The following PAQR5 variants were observed in gnomAD, a reference collection of about 807,000 sequenced individuals.
PAQR5 encodes progestin and adipoQ receptor family member 5.
Under a neutral mutation model 34.5 loss-of-function variants are expected in PAQR5, and 20 were observed. The ratio of observed to expected loss-of-function variants is 0.58; its 90% confidence interval spans 0.41 to 0.84. PAQR5 has a LOEUF of 0.84. Ranked by LOEUF, PAQR5 falls within the 40% of genes least tolerant of loss-of-function variation. PAQR5 has a pLI of 0.00. For missense variants in PAQR5, 378 were observed against 412.7 expected (o/e 0.92, Z 0.73); for synonymous variants, 131 against 155.6 (o/e 0.84, Z 1.18).
chr15:69,400,758 G>A (rs1431987099), intron 8 of PAQR5, among the ~76,000 whole-genome samples: 1 of 152,156 alleles, frequency 6.6e-6, no homozygotes, highest in African/African-American at 2.4e-5. Flanking sequence ...CCAGACAACA[G>A]GGGGCTGTGC....
chr15:69,372,920 T>G (rs1288130677), intron 3 of PAQR5, among the ~76,000 whole-genome samples: 2 of 152,150 alleles, frequency 1.3e-5, no homozygotes, highest in Admixed American at 1.3e-4. Flanking sequence ...CAAACAAATA[T>G]ATGATCTTAC....
intron 2 of PAQR5, among the ~76,000 whole-genome samples, chr15:69,349,603 C>G (rs899571065): frequency 2.0e-5 from 3 of 151,896 alleles, no homozygotes; most frequent in African/African-American, 7.3e-5. Flanking sequence ...CCACTATTAA[C>G]AAGTTGGAGG....
chr15:69,341,306 T>C (rs1412994594), intron 2 of PAQR5, among the ~76,000 whole-genome samples: 3 of 152,000 alleles, frequency 2.0e-5, no homozygotes, highest in East Asian at 1.9e-4. Flanking sequence ...TTTGACTTAA[T>C]GTTTTCAAGC....
intron 1 of PAQR5, among the ~76,000 whole-genome samples, chr15:69,328,058 G>A (rs2054293991): frequency 1.3e-5 from 2 of 152,160 alleles, no homozygotes; most frequent in South Asian, 4.1e-4. Context: ...TGGGATTACA[G>A]GTGTGAGCCA....
chr15:69,345,617 T>G (rs911414301), intron 2 of PAQR5, among the ~76,000 whole-genome samples: 1 of 152,202 alleles, frequency 6.6e-6, no homozygotes, highest in Non-Finnish European at 1.5e-5. Context: ...TTTGTTTTCT[T>G]TTTTAAGGCT....
chr15:69,324,257 C>G (rs1321028452), intron 1 of PAQR5, among the ~76,000 whole-genome samples: 2 of 152,076 alleles, frequency 1.3e-5, no homozygotes, highest in African/African-American at 4.8e-5. Context: ...CGGCTCCAGC[C>G]CAGGAGGTGG....
chr15:69,363,536 G>GTTTTTTTTTTTTTTTTTTTTTTT lies in PAQR5; in HGVS notation c.51+3411_51+3412insTTTTTTTTTTTTTTTTTTTTTTT, dbSNP rs1226447954. On this transcript the variant is annotated intron_variant, in intron 3 of 8. Coordinates refer to ENST00000395407, the MANE Select transcript of PAQR5 (RefSeq NM_017705.4). Reference sequence around the variant, plus strand: ...ACATCGAGTGTCAAATTGCTAATCTGTTTTTTGTTTTTGTTTTTTTTTTTT... The same window carrying GTTTTTTTTTTTTTTTTTTTTTTT: ...ACATCGAGTGTCAAATTGCTAATCTGTTTTTTTTTTTTTTTTTTTTTTTTTTTTTGTTTTTGTTTTTTTTTTTT... Among the ~76,000 whole-genome samples the GTTTTTTTTTTTTTTTTTTTTTTT allele has an allele frequency of 2.4e-5, 2 of 82,002 alleles. 1 individual carries two copies. The allele number at this position is 82,002 out of a possible 152,430, so 53.8% of individuals were successfully genotyped here.
At chr15:69,302,638 G>A (rs370376205) in intron 1 of PAQR5, among the ~76,000 whole-genome samples, 42 of 152,274 alleles carry the variant, frequency 2.8e-4, no homozygotes, top group East Asian at 2.1e-3. Flanking sequence ...GGAACCCTGT[G>A]TGACCCCTGG....
At chr15:69,310,421 A>G (rs899567204) in intron 1 of PAQR5, among the ~76,000 whole-genome samples, 6 of 152,366 alleles carry the variant, frequency 3.9e-5, no homozygotes, top group Admixed American at 3.9e-4. Context: ...TACCAAACAC[A>G]CCAATATTTG....
chr15:69,405,144 A>G lies in PAQR5; in HGVS notation c.*1322A>G. ...ATTACTGATTAAAGTTCAGTATTTCATGGTGTTTTCAGGGAACACAGAAAT... is the reference window on the plus strand; with the variant it reads ...ATTACTGATTAAAGTTCAGTATTTCGTGGTGTTTTCAGGGAACACAGAAAT... On this transcript the variant is annotated 3_prime_UTR_variant, in exon 9 of 9. Transcript: ENST00000395407. The G allele has an allele frequency of 2.5e-6, 1 of 396,226 alleles. No individual in the cohort carries two copies. The highest frequency in any genetic ancestry group is 4.4e-6 in the Non-Finnish European group (1 of 224,842). 24.5% of individuals were successfully genotyped at this position (396,226 alleles called of 1,614,324 possible). A position where few individuals can be genotyped will look rare whatever the true frequency, so the allele number is the denominator to read the frequency against.
chr15:69,300,841 TTTTCTTTC>T (rs541929828), intron 1 of PAQR5, among the ~76,000 whole-genome samples: 745 of 19,562 alleles, frequency 0.038, 147 homozygotes, highest in African/African-American at 0.074. Context: ...CTTTAGTTCG[TTTTCTTTC>T]TTTCTTTCTT....
At chr15:69,331,291 G>A (rs891561752) in intron 1 of PAQR5, among the ~76,000 whole-genome samples, 28 of 152,178 alleles carry the variant, frequency 1.8e-4, no homozygotes, top group African/African-American at 6.5e-4. Flanking sequence ...ATTGCAGGGT[G>A]TCTGTTCAGC....
intron 8 of PAQR5, among the ~76,000 whole-genome samples, chr15:69,401,765 G>A (rs1354877216): frequency 6.6e-6 from 1 of 152,214 alleles, no homozygotes; most frequent in East Asian, 1.9e-4. Flanking sequence ...TGCTGGAGGT[G>A]GGAATCCCTC....
intron 6 of PAQR5, among the ~76,000 whole-genome samples, chr15:69,394,318 AGACAGAGGCTTGGCCAGAGGAT>A (rs1310619414): frequency 6.6e-6 from 1 of 152,080 alleles, no homozygotes; most frequent in Non-Finnish European, 1.5e-5. Context: ...CATGGTTCTC[AGACAGAGGCTTGGCCAGAGGAT>A]AAAGTGCTGC....
intron 2 of PAQR5, among the ~76,000 whole-genome samples, chr15:69,350,471 T>C (rs1224810564): frequency 1.3e-5 from 2 of 151,972 alleles, no homozygotes; most frequent in Non-Finnish European, 2.9e-5. Flanking sequence ...GGTGAAACGC[T>C]GTCTCTGCTA....
At chr15:69,389,062 C>T (rs1022300870) in intron 5 of PAQR5, among the ~76,000 whole-genome samples, 9 of 152,240 alleles carry the variant, frequency 5.9e-5, no homozygotes, top group African/African-American at 1.9e-4. Flanking sequence ...CACAACGCAA[C>T]ACCCAACCTC....
chr15:69,320,716 T>A (rs886631527), intron 1 of PAQR5, among the ~76,000 whole-genome samples: 4 of 152,116 alleles, frequency 2.6e-5, no homozygotes, highest in Admixed American at 2.6e-4. Flanking sequence ...AAAAATGAAA[T>A]ATTCAAAACA....
At position 69,407,413 on chromosome 15, in the gene PAQR5, G is replaced by A. The variant is rs935765903; in HGVS notation, c.*3591G>A. 1 of 152,236 alleles carries A rather than the reference G, an allele frequency of 6.6e-6. No homozygotes were observed. The allele number at this position is 152,236 out of a possible 1,614,324, so 9.4% of individuals were successfully genotyped here. On this transcript the variant is annotated 3_prime_UTR_variant, in exon 9 of 9. Transcript: ENST00000395407. ...CAAAGTGCTGGGATTACAGGCATGA[G>A]CCACACTGCACCCAGTCCATGCTAC...
At chr15:69,347,739 T>C (rs1171194078) in intron 2 of PAQR5, among the ~76,000 whole-genome samples, 1 of 152,216 alleles carries the variant, frequency 6.6e-6, no homozygotes, top group African/African-American at 2.4e-5. Flanking sequence ...TTTTGGTCCA[T>C]AGACACTGTG....
Sources: gnomAD v4.1 joint callset for allele counts (sites outside exome capture counted in the v4.1 genomes callset) on GRCh38, gnomAD v4.1.1 for gene constraint, MANE v1.5 for transcripts, NCBI Gene and HGNC (gene_info 2026-07-23, HGNC 2026-07-21) for gene names.